FGF12: variants seen among roughly 807,000 people sequenced by gnomAD.
FGF12 encodes fibroblast growth factor 12.
FGF12 carries 14 observed loss-of-function variants against 23.6 expected under a neutral mutation model. The ratio of observed to expected loss-of-function variants is 0.59; its 90% CI spans 0.39 to 0.93. The LOEUF (loss-of-function observed/expected upper bound fraction) is 0.93, where lower values mean the gene tolerates loss of function less well. Among genes scored for constraint, FGF12 ranks in the 40% least tolerant of loss-of-function variants. The probability of loss-of-function intolerance (pLI) is 0.00; values close to 1 mark genes in which losing one functional copy is unlikely to be tolerated. For synonymous variants in FGF12, 62 were observed against 77.3 expected (o/e 0.80, Z 1.04); for missense variants, 175 against 217.8 (o/e 0.80, Z 1.24).
chr3:192,607,180 A>G (rs1334272405), intron 2 of FGF12, among the ~76,000 whole-genome samples: 1 of 152,136 alleles, frequency 6.6e-6, no homozygotes, highest in Non-Finnish European at 1.5e-5. Context: ...GAGGCTTGCT[A>G]TTTGACTAAA....
At chr3:192,666,881 C>T (rs917047951) in intron 2 of FGF12, among the ~76,000 whole-genome samples, 1 of 150,634 alleles carries the variant, frequency 6.6e-6, no homozygotes, top group Non-Finnish European at 1.5e-5. Flanking sequence ...TTAAAGAATA[C>T]AATAGTTTAG....
At chr3:192,505,814 A>G (rs1283863453) in intron 2 of FGF12, among the ~76,000 whole-genome samples, 1 of 152,196 alleles carries the variant, frequency 6.6e-6, no homozygotes, top group Non-Finnish European at 1.5e-5. Context: ...ATCGAGGGTA[A>G]CAGCCTGCTA....
At chr3:192,684,959 TG>T (rs1404681233) in intron 2 of FGF12, among the ~76,000 whole-genome samples, 2 of 152,200 alleles carry the variant, frequency 1.3e-5, no homozygotes, top group Non-Finnish European at 2.9e-5. Flanking sequence ...TATGTGGCCT[TG>T]GGCATATTTA....
chr3:192,291,335 CT>C (rs563415664), intron 4 of FGF12, among the ~76,000 whole-genome samples: 32 of 152,098 alleles, frequency 2.1e-4, no homozygotes, highest in Non-Finnish European at 4.0e-4. Context: ...AATCCCAGCA[CT>C]TTGGGAGGGC....
intron 2 of FGF12, among the ~76,000 whole-genome samples, chr3:192,689,549 TGAA>T (rs1221638482): frequency 9.2e-5 from 14 of 151,868 alleles, no homozygotes; most frequent in African/African-American, 3.1e-4. Context: ...ATAGAGAGCT[TGAA>T]GAAGAATAGA....
chr3:192,156,284 G>A (rs902704254), intron 5 of FGF12, among the ~76,000 whole-genome samples: 1 of 152,070 alleles, frequency 6.6e-6, no homozygotes, highest in Non-Finnish European at 1.5e-5. Flanking sequence ...CAGATTCAGT[G>A]GCACTTCTCA....
Position 192,141,127 on chromosome 3 carries a change from C to CAAAAAAAAAAA in FGF12, c.*2881_*2882insTTTTTTTTTTT, listed in dbSNP as rs1396299359. 453 of 21,792 alleles carry CAAAAAAAAAAA rather than the reference C, an allele frequency of 0.021. 43 individuals are homozygous for CAAAAAAAAAAA. Among genetic ancestry groups the CAAAAAAAAAAA allele is most frequent in the East Asian group, 0.023 (13 of 564 alleles). The allele number at this position is 21,792 out of a possible 1,614,324, so 1.3% of individuals were successfully genotyped here. Reference sequence around the variant, plus strand: ...TCCTGGGAAAAATCCCAATGCAACTCCAAAAAAAAAAAAAAAAAAAAAAAA... The same window carrying CAAAAAAAAAAA: ...TCCTGGGAAAAATCCCAATGCAACTCAAAAAAAAAAACAAAAAAAAAAAAAAAAAAAAAAAA... On this transcript the variant is annotated 3_prime_UTR_variant, in exon 6 of 6. Coordinates refer to ENST00000445105, the MANE Select transcript of FGF12 (RefSeq NM_004113.6).
intron 4 of FGF12, among the ~76,000 whole-genome samples, chr3:192,174,356 A>C (rs1183395347): frequency 6.6e-6 from 1 of 152,102 alleles, no homozygotes; most frequent in South Asian, 2.1e-4. Context: ...CAAATGGGGG[A>C]TTTCTTGCAC....
At chr3:192,627,741 G>A (rs146585503) in intron 2 of FGF12, among the ~76,000 whole-genome samples, 175 of 152,128 alleles carry the variant, frequency 1.2e-3, no homozygotes, top group African/African-American at 3.7e-3. Context: ...TATACTTTAC[G>A]TAGTTTCCCC....
chr3:192,512,547 T>C (rs745681048), intron 2 of FGF12, among the ~76,000 whole-genome samples: 1 of 151,930 alleles, frequency 6.6e-6, no homozygotes, highest in Non-Finnish European at 1.5e-5. Flanking sequence ...ATTATAGTAA[T>C]TTACATTTAT....
At chr3:192,214,479 C>A (rs1438209149) in intron 4 of FGF12, among the ~76,000 whole-genome samples, 1 of 152,150 alleles carries the variant, frequency 6.6e-6, no homozygotes, top group Non-Finnish European at 1.5e-5. Context: ...TGAGAAGAGA[C>A]AAGTGACACA....
chr3:192,219,251 ATTT>A (rs548293438), intron 4 of FGF12, among the ~76,000 whole-genome samples: 2 of 151,792 alleles, frequency 1.3e-5, no homozygotes, highest in African/African-American at 2.4e-5. Context: ...TACCCGACTG[ATTT>A]TTTTATTTTT....
intron 4 of FGF12, among the ~76,000 whole-genome samples, chr3:192,272,188 T>A (rs1713490270): frequency 6.6e-6 from 1 of 152,070 alleles, no homozygotes; most frequent in Non-Finnish European, 1.5e-5. Flanking sequence ...CAAATCCAAA[T>A]TTTTTTAAAA....
In FGF12 at chr3:192,333,160, C is replaced by CCAAA. The variant is rs1717213113; in HGVS notation, c.228+2197_228+2200dup. Among the ~76,000 whole-genome samples, 7 of 152,182 alleles carry CCAAA rather than the reference C, an allele frequency of 4.6e-5. No homozygotes were observed. In the South Asian group the frequency reaches 1.5e-3, roughly 32 times the overall value. ...ATGAAACCACAACCCAGCAATCCCT[C>CCAAA]CAAACTCCCTCCTTCCCTTATACAA... On this transcript the variant is annotated intron_variant, in intron 4 of 5. Transcript: ENST00000445105.
chr3:192,574,734 T>C (rs564574720), intron 2 of FGF12, among the ~76,000 whole-genome samples: 2 of 152,362 alleles, frequency 1.3e-5, no homozygotes, highest in African/African-American at 4.8e-5. Flanking sequence ...TACTGTGTAC[T>C]AGGTACAATA....
chr3:192,492,276 A>G (rs1024647611), intron 2 of FGF12, among the ~76,000 whole-genome samples: 4 of 152,182 alleles, frequency 2.6e-5, no homozygotes, highest in Non-Finnish European at 5.9e-5. Flanking sequence ...GTTAATATAT[A>G]ATTGTAACCT....
intron 4 of FGF12, 67 bp downstream of exon 4, chr3:192,335,294 G>A (rs1325290597): frequency 2.4e-5 from 24 of 1,019,684 alleles, no homozygotes; most frequent in Non-Finnish European, 3.2e-5. Context: ...TAACATGATG[G>A]TTACTCCATT....
chr3:192,396,585 G>C (rs1164674857), intron 2 of FGF12, among the ~76,000 whole-genome samples: 1 of 152,154 alleles, frequency 6.6e-6, no homozygotes, highest in East Asian at 1.9e-4. Context: ...GAGGTGGGCA[G>C]GTGTATTGTA....
At chr3:192,495,313 G>A (rs1723921947) in intron 2 of FGF12, among the ~76,000 whole-genome samples, 1 of 152,186 alleles carries the variant, frequency 6.6e-6, no homozygotes, top group East Asian at 1.9e-4. Context: ...AATATATAAA[G>A]TGTCCGTACA....
Sources: allele counts gnomAD v4.1 joint callset (sites outside exome capture counted in the v4.1 genomes callset), GRCh38; gene constraint gnomAD v4.1.1; transcripts MANE v1.5; gene names NCBI Gene and HGNC (gene_info 2026-07-23, HGNC 2026-07-21).